Variants in SHROOM2 observed in about 807,000 individuals in gnomAD.
SHROOM2 encodes the protein shroom family member 2.
In SHROOM2, 33 loss-of-function variants were observed where a neutral mutation model predicts 75.9. The observed-to-expected ratio is 0.43, with a 90% CI of 0.33 to 0.58. The LOEUF (loss-of-function observed/expected upper bound fraction) is 0.58. Ranked by LOEUF, SHROOM2 falls within the 20% of genes least tolerant of loss-of-function variation. The pLI, the probability that SHROOM2 is intolerant of heterozygous loss-of-function variation, is 0.04. For missense variants in SHROOM2, 1,434 were observed against 1,461.2 expected, an observed-to-expected ratio of 0.98 and a Z score of 0.30; for synonymous variants, 655 against 663.6, an observed-to-expected ratio of 0.99 and a Z score of 0.20.
chrX:9,930,976 C>T (rs2084643289), intron 5 of SHROOM2, among the ~76,000 whole-genome samples: 2 of 109,794 alleles, frequency 1.8e-5, no homozygotes, highest in Non-Finnish European at 3.8e-5. Flanking sequence ...CTCCTGACCT[C>T]AAGTGATCCA....
chrX:9,859,335 C>T (rs984103002), intron 1 of SHROOM2, among the ~76,000 whole-genome samples: 20 of 112,551 alleles, frequency 1.8e-4, no homozygotes, highest in Admixed American at 1.1e-3. Flanking sequence ...CTCTGTTCAT[C>T]CTCTCCAGAA....
intron 1 of SHROOM2, among the ~76,000 whole-genome samples, chrX:9,813,199 C>T (rs1166936592): frequency 9.0e-6 from 1 of 111,579 alleles, no homozygotes; most frequent in Non-Finnish European, 1.9e-5. Flanking sequence ...CCATAGTAGC[C>T]CTCGCCCTAC....
chrX:9,831,589 C>T (rs960855871), intron 1 of SHROOM2, among the ~76,000 whole-genome samples: 2 of 112,220 alleles, frequency 1.8e-5, no homozygotes, highest in Admixed American at 9.4e-5. Context: ...ACCTGGGAGG[C>T]GGAGGTTACG....
At chrX:9,803,267 C>T (rs2083734282) in intron 1 of SHROOM2, among the ~76,000 whole-genome samples, 1 of 110,954 alleles carries the variant, frequency 9.0e-6, no homozygotes, top group Non-Finnish European at 1.9e-5. Context: ...CCCTCTTTAC[C>T]TCCTTGCTAA....
chrX:9,937,748 G>C, intron 7 of SHROOM2, 63 bp downstream of exon 7: 1 of 956,039 alleles, frequency 1.0e-6, no homozygotes, highest in Non-Finnish European at 1.4e-6. Context: ...GGCTTGTAAA[G>C]GGAAGGGGGT....
chrX:9,947,388 G>A lies in SHROOM2; in HGVS notation c.*451G>A, dbSNP rs924570685. On this transcript the variant is annotated 3_prime_UTR_variant, in exon 10 of 10. Coordinates refer to ENST00000380913, the MANE Select transcript of SHROOM2 (RefSeq NM_001649.4). ...CATTCATCCAGGCATGGGCTGCCAG[G>A]TTTTGTCCCTGCTCGTTCAACAGTG... The A allele has an allele frequency of 1.5e-5, 2 of 129,210 alleles. No homozygotes were observed. The highest frequency in any genetic ancestry group is 1.6e-4 in the Admixed American group (2 of 12,505). 10.6% of individuals were successfully genotyped at this position (129,210 alleles called of 1,213,427 possible).
At chrX:9,789,803 C>A (rs995288898) in intron 1 of SHROOM2, among the ~76,000 whole-genome samples, 1 of 111,893 alleles carries the variant, frequency 8.9e-6, no homozygotes, top group Non-Finnish European at 1.9e-5. Context: ...GCTCCCTCCC[C>A]CAAAAAGAAT....
At chrX:9,789,292 A>G (rs1043684181) in intron 1 of SHROOM2, among the ~76,000 whole-genome samples, 2 of 111,553 alleles carry the variant, frequency 1.8e-5, no homozygotes, top group African/African-American at 6.5e-5. Context: ...CCAACTTCAG[A>G]GGAGTAGCAT....
chrX:9,815,599 T>TATC (rs1357787859), intron 1 of SHROOM2, among the ~76,000 whole-genome samples: 1 of 107,965 alleles, frequency 9.3e-6, no homozygotes, highest in Non-Finnish European at 1.9e-5. Flanking sequence ...TCTATATCTA[T>TATC]ATCTATAAAG....
chrX:9,826,942 A>G (rs1349268268), intron 1 of SHROOM2, among the ~76,000 whole-genome samples: 3 of 112,253 alleles, frequency 2.7e-5, no homozygotes, highest in South Asian at 3.7e-4. Context: ...TCAGCTTTTA[A>G]GGCCAGGGTG....
At chrX:9,877,692 A>G (rs918148547) in intron 2 of SHROOM2, among the ~76,000 whole-genome samples, 8 of 112,258 alleles carry the variant, frequency 7.1e-5, no homozygotes, top group Non-Finnish European at 1.5e-4. Context: ...TTAGCAGCGG[A>G]TCTACCGCTT....
intron 1 of SHROOM2, among the ~76,000 whole-genome samples, chrX:9,805,461 G>A (rs1213164259): frequency 8.9e-6 from 1 of 112,008 alleles, no homozygotes; most frequent in Non-Finnish European, 1.9e-5. Context: ...GGTGGGGGCC[G>A]GGTGTGGTGG....
chrX:9,840,479 G>C (rs1251610646), intron 1 of SHROOM2, among the ~76,000 whole-genome samples: 2 of 111,300 alleles, frequency 1.8e-5, no homozygotes, highest in African/African-American at 6.5e-5. Context: ...ATGTTGCCCA[G>C]GCTGATCTTG....
At chrX:9,838,057 GTTT>G (rs573554791) in intron 1 of SHROOM2, among the ~76,000 whole-genome samples, 1 of 75,792 alleles carries the variant, frequency 1.3e-5, no homozygotes, top group African/African-American at 5.8e-5. Flanking sequence ...TGTGTGTGTG[GTTT>G]TTTTTTTTTT....
At chrX:9,805,543 C>G (rs1050065171) in intron 1 of SHROOM2, among the ~76,000 whole-genome samples, 3 of 112,056 alleles carry the variant, frequency 2.7e-5, no homozygotes, top group Non-Finnish European at 5.6e-5. Context: ...TGAGACCAGC[C>G]TGGCCAACAT....
chrX:9,832,892 T>C (rs1053359515), intron 1 of SHROOM2, among the ~76,000 whole-genome samples: 1 of 111,469 alleles, frequency 9.0e-6, no homozygotes, highest in African/African-American at 3.3e-5. Context: ...AAATCTACTT[T>C]GTAATGGGTC....
At chrX:9,791,990 A>C (rs777943157) in intron 1 of SHROOM2, among the ~76,000 whole-genome samples, 3 of 158 alleles carry the variant, frequency 0.019, 1 homozygote, top group African/African-American at 0.19. Flanking sequence ...AGAATAGAAT[A>C]GAATAGAATA....
At chrX:9,896,798 G>A in intron 4 of SHROOM2, 100 bp downstream of exon 4, 1 of 925,215 alleles carries the variant, frequency 1.1e-6, no homozygotes, top group South Asian at 2.8e-5. Context: ...AGCTCCAGCT[G>A]TGCGAGCATT....
At chrX:9,944,995 C>T in intron 9 of SHROOM2, 82 bp downstream of exon 9, 1 of 1,041,777 alleles carries the variant, frequency 9.6e-7, no homozygotes, top group Non-Finnish European at 1.3e-6. Context: ...AAGTCAGCTC[C>T]TTGGAGCCTA....
Sources: gnomAD v4.1 joint callset for allele counts (sites outside exome capture counted in the v4.1 genomes callset) on GRCh38, gnomAD v4.1.1 for gene constraint, MANE v1.5 for transcripts, NCBI Gene and HGNC (gene_info 2026-07-23, HGNC 2026-07-21) for gene names.